The following SEM1 variants were observed in gnomAD, a reference collection of about 807,000 sequenced individuals.
SEM1 encodes the protein 26S proteasome complex subunit SEM1.
SEM1 carries 3 observed loss-of-function variants against 12.7 expected under a neutral mutation model. The observed-to-expected ratio is 0.24, with a 90% CI of 0.11 to 0.61. The LOEUF is 0.61. Among genes scored for constraint, SEM1 ranks in the 20% least tolerant of loss-of-function variants. The pLI is 0.88. For synonymous variants in SEM1, 30 were observed against 27.8 expected (o/e 1.08, Z -0.25); for missense variants, 59 against 81.3 (o/e 0.73, Z 1.06).
At chr7:96,686,091 G>T (rs1053465014), downstream of SEM1, among the ~76,000 whole-genome samples, 5 of 152,036 alleles carry the variant, frequency 3.3e-5, no homozygotes, top group Admixed American at 2.6e-4. Context: ...AACTTACTCT[G>T]AGACTGTTTT....
exon 2 of SEM1, chr7:96,486,327 T>G: frequency 1.3e-6 from 2 of 1,537,132 alleles, no homozygotes; most frequent in Non-Finnish European, 1.7e-6. Context: ...TGAGCTGGGC[T>G]TCTTATGCTG....
chr7:96,586,344 T>A (rs530663521), intron 2 of SEM1, among the ~76,000 whole-genome samples: 1 of 152,162 alleles, frequency 6.6e-6, no homozygotes, highest in East Asian at 1.9e-4. Context: ...AGGCTGTACA[T>A]GTCCCAGCAA....
At chr7:96,568,574 G>T (rs1038545325) in intron 2 of SEM1, among the ~76,000 whole-genome samples, 1 of 145,950 alleles carries the variant, frequency 6.9e-6, no homozygotes, top group Non-Finnish European at 1.5e-5. Flanking sequence ...CTTCTTATTT[G>T]ACAGTTTTTC....
intron 1 of SEM1, among the ~76,000 whole-genome samples, chr7:96,700,684 T>TA (rs1259813065): frequency 1.2e-4 from 19 of 152,210 alleles, no homozygotes; most frequent in Non-Finnish European, 2.1e-4. Flanking sequence ...AACAAACAAG[T>TA]AGTAACATTA....
intron 2 of SEM1, among the ~76,000 whole-genome samples, chr7:96,510,499 A>G (rs1274817695): frequency 6.6e-6 from 1 of 152,188 alleles, no homozygotes; most frequent in African/African-American, 2.4e-5. Flanking sequence ...AAAAGACAGT[A>G]TTATAATCTT....
At chr7:96,641,819 C>CT (rs201575352) in intron 2 of SEM1, among the ~76,000 whole-genome samples, 2,283 of 151,276 alleles carry the variant, frequency 0.015, 59 homozygotes, top group African/African-American at 0.053. Context: ...TATTCTTGTG[C>CT]TTTTTTTTAA....
At chr7:96,703,091 T>C (rs1355240611) in intron 1 of SEM1, among the ~76,000 whole-genome samples, 1 of 152,202 alleles carries the variant, frequency 6.6e-6, no homozygotes, top group African/African-American at 2.4e-5. Context: ...ACAGGTTGAG[T>C]ATCCCTTATT....
chr7:96,571,586 G>C lies in SEM1; in HGVS notation c.171-64888C>G, dbSNP rs191228504. ...TATATGTATATATATACATATATAC[G>C]CACATATATACATATATATATACAT... On this transcript the variant is annotated intron_variant and NMD_transcript_variant, in intron 2 of 3. Transcript: ENST00000466986. 1.3e-3 allele frequency among the ~76,000 whole-genome samples: 201 copies of C among 149,898 alleles called. 1 individual carries two copies. Among genetic ancestry groups the C allele is most frequent in the African/African-American group, 4.7e-3 (194 of 40,938 alleles).
At chr7:96,513,059 G>A (rs756571055) in intron 2 of SEM1, among the ~76,000 whole-genome samples, 39 of 152,172 alleles carry the variant, frequency 2.6e-4, no homozygotes, top group African/African-American at 8.7e-4. Context: ...GCAGATGATC[G>A]AGTTAAGATG....
downstream of SEM1, among the ~76,000 whole-genome samples, chr7:96,685,491 A>G (rs1789735295): frequency 6.6e-6 from 1 of 152,092 alleles, no homozygotes; most frequent in Admixed American, 6.6e-5. Flanking sequence ...ATGTAAGACT[A>G]TATTAAGTGC....
At chr7:96,504,380 G>A (rs146519064) in intron 3 of SEM1, among the ~76,000 whole-genome samples, 1 of 151,928 alleles carries the variant, frequency 6.6e-6, no homozygotes, top group South Asian at 2.1e-4. Flanking sequence ...TCCCCAGTTA[G>A]GTTTTTTCAA....
intron 2 of SEM1, among the ~76,000 whole-genome samples, chr7:96,547,748 A>C (rs1273348229): frequency 6.6e-6 from 1 of 151,974 alleles, no homozygotes; most frequent in South Asian, 2.1e-4. Flanking sequence ...TGATGATAGG[A>C]GTTGTAAAGT....
chr7:96,528,784 C>A (rs1235433752), intron 2 of SEM1, among the ~76,000 whole-genome samples: 3 of 152,114 alleles, frequency 2.0e-5, no homozygotes, highest in African/African-American at 7.2e-5. Context: ...ATGTGATGCA[C>A]ATACATATTA....
At chr7:96,523,893 C>A (rs1804363252) in intron 2 of SEM1, among the ~76,000 whole-genome samples, 1 of 152,070 alleles carries the variant, frequency 6.6e-6, no homozygotes, top group Non-Finnish European at 1.5e-5. Flanking sequence ...ATGCATCTCA[C>A]CCCTTTCATT....
chr7:96,672,215 G>A (rs375074035), downstream of SEM1, among the ~76,000 whole-genome samples: 10 of 152,276 alleles, frequency 6.6e-5, no homozygotes, highest in East Asian at 1.5e-3. Context: ...AGGAAAGAGC[G>A]AACAGTGGTG....
chr7:96,486,839 C>T (rs946401773), intron 1 of SEM1, among the ~76,000 whole-genome samples: 16 of 152,298 alleles, frequency 1.1e-4, no homozygotes, highest in South Asian at 4.1e-4. Context: ...TTTCCAGTTA[C>T]GCCAGTTAAA....
intron 1 of SEM1, chr7:96,695,648 T>C (rs1227047361): frequency 2.0e-5 from 3 of 151,878 alleles, no homozygotes; most frequent in African/African-American, 7.2e-5. Context: ...TGGAGTTTTA[T>C]GTTACAAAAA....
At chr7:96,569,376 G>A (rs1305046593) in intron 2 of SEM1, among the ~76,000 whole-genome samples, 1 of 152,020 alleles carries the variant, frequency 6.6e-6, no homozygotes, top group African/African-American at 2.4e-5. Context: ...TGTGTACTTT[G>A]CAGTGAATGG....
chr7:96,682,834 A>T (rs1789654863), intron 2 of SEM1, among the ~76,000 whole-genome samples: 1 of 152,116 alleles, frequency 6.6e-6, no homozygotes, highest in African/African-American at 2.4e-5. Flanking sequence ...TCCAGACTCT[A>T]CAAAGAACTT....
Sources: gnomAD v4.1 joint callset for allele counts (sites outside exome capture counted in the v4.1 genomes callset) on GRCh38, gnomAD v4.1.1 for gene constraint, MANE v1.5 for transcripts, NCBI Gene and HGNC (gene_info 2026-07-23, HGNC 2026-07-21) for gene names.